Variants in ZBTB46 observed in about 807,000 individuals in gnomAD.
ZBTB46 encodes zinc finger and BTB domain-containing protein 46.
ZBTB46 carries 8 observed loss-of-function variants against 44.1 expected under a neutral mutation model. The observed-to-expected ratio is 0.18, with a 90% CI of 0.11 to 0.33. The LOEUF is 0.33. Ranked by LOEUF, ZBTB46 falls within the 10% of genes least tolerant of loss-of-function variation. The pLI is 1.00. For synonymous variants in ZBTB46, 409 were observed against 382.3 expected (o/e 1.07, Z -0.81); for missense variants, 651 against 847.7 (o/e 0.77, Z 2.88).
chr20:63,774,620 C>T (rs1461168964), intron 3 of ZBTB46, among the ~76,000 whole-genome samples: 1 of 152,032 alleles, frequency 6.6e-6, no homozygotes, highest in Non-Finnish European at 1.5e-5. Flanking sequence ...GTGCCAGCAC[C>T]AGGCCTTGCC....
intron 4 of ZBTB46, among the ~76,000 whole-genome samples, chr20:63,751,970 G>A (rs1025104101): frequency 1.3e-5 from 2 of 152,126 alleles, no homozygotes; most frequent in Admixed American, 6.5e-5. Flanking sequence ...CGCCCCGACA[G>A]CAGCCCCACC....
At chr20:63,775,527 G>T in intron 3 of ZBTB46, 151 bp downstream of exon 3, 1 of 1,043,048 alleles carries the variant, frequency 9.6e-7, no homozygotes, top group East Asian at 2.7e-5. Flanking sequence ...AGGCTGTGAC[G>T]CCGCATCCTC....
At chr20:63,812,127 T>C (rs764588270) in intron 1 of ZBTB46, among the ~76,000 whole-genome samples, 1 of 151,712 alleles carries the variant, frequency 6.6e-6, no homozygotes, top group Admixed American at 6.6e-5. Context: ...TTTTCCTACA[T>C]AAAAAAAAGA....
At chr20:63,756,457 G>A (rs2092221080) in intron 3 of ZBTB46, among the ~76,000 whole-genome samples, 1 of 152,212 alleles carries the variant, frequency 6.6e-6, no homozygotes, top group African/African-American at 2.4e-5. Flanking sequence ...ATCTCCGAAA[G>A]GGATCCAAAC....
intron 3 of ZBTB46, among the ~76,000 whole-genome samples, chr20:63,766,641 T>G (rs1043637585): frequency 6.6e-6 from 1 of 152,180 alleles, no homozygotes; most frequent in African/African-American, 2.4e-5. Context: ...CTGTGTGGAC[T>G]GCTCTCCCGA....
At chr20:63,756,980 T>C (rs1457280957) in intron 3 of ZBTB46, among the ~76,000 whole-genome samples, 2 of 152,262 alleles carry the variant, frequency 1.3e-5, no homozygotes, top group African/African-American at 4.8e-5. Context: ...ATTATTTCTG[T>C]TGGGCATGCC....
rs1339261409 is a variant in ZBTB46, at chr20:63,790,508, T to C, written c.250A>G (p.Lys84Glu). 1 of 1,612,906 alleles carries C rather than the reference T, an allele frequency of 6.2e-7. No homozygotes were observed. Among genetic ancestry groups the C allele is most frequent in the Non-Finnish European group, 8.5e-7 (1 of 1,179,462 alleles). The change falls in exon 2 of 5, where the codon AAG (lysine) becomes GAG (glutamate). Residue 84 changes from lysine (K) to glutamate (E), a missense_variant. Coordinates refer to ENST00000245663, the MANE Select transcript of ZBTB46 (RefSeq NM_001369741.1). ...HLDIVTAQGF[K>E]AIIDFMYSAH... ...GAGTACATGAAGTCGATGATGGCCTTGAAGCCCTGGGCCGTGACGATGTCC... is the reference window on the plus strand; with the variant it reads ...GAGTACATGAAGTCGATGATGGCCTCGAAGCCCTGGGCCGTGACGATGTCC...
intron 1 of ZBTB46, among the ~76,000 whole-genome samples, chr20:63,805,811 A>C (rs1474275173): frequency 6.6e-6 from 1 of 151,270 alleles, no homozygotes; most frequent in Non-Finnish European, 1.5e-5. Flanking sequence ...GCTGGAGGGC[A>C]GTGGCACGAT....
At chr20:63,764,264 G>A (rs760663084) in intron 3 of ZBTB46, among the ~76,000 whole-genome samples, 3 of 152,068 alleles carry the variant, frequency 2.0e-5, no homozygotes, top group African/African-American at 2.4e-5. Context: ...TGGTGAAACC[G>A]TCTCTACTAA....
chr20:63,768,559 A>G (rs1002261502), intron 3 of ZBTB46, among the ~76,000 whole-genome samples: 1 of 152,144 alleles, frequency 6.6e-6, no homozygotes, highest in African/African-American at 2.4e-5. Context: ...GTGAGCTAAG[A>G]TCGCACCACT....
At chr20:63,789,616 G>T (rs548858521) in intron 2 of ZBTB46, among the ~76,000 whole-genome samples, 106 of 152,366 alleles carry the variant, frequency 7.0e-4, no homozygotes, top group Non-Finnish European at 1.3e-3. Context: ...GATACACAGG[G>T]TCTCCAAGGG....
intron 1 of ZBTB46, among the ~76,000 whole-genome samples, chr20:63,798,908 T>C (rs1238630275): frequency 6.6e-6 from 1 of 151,836 alleles, no homozygotes; most frequent in Non-Finnish European, 1.5e-5. Context: ...AAGATACCCT[T>C]GGCTCTAGAA....
At chr20:63,775,504 G>A in intron 3 of ZBTB46, 174 bp downstream of exon 3, 1 of 809,380 alleles carries the variant, frequency 1.2e-6, no homozygotes, top group Admixed American at 3.4e-5. Context: ...CCGTGCACCT[G>A]AGAGGCCAGT....
chr20:63,830,050 G>C (rs892669863), intron 1 of ZBTB46, among the ~76,000 whole-genome samples: 7 of 152,306 alleles, frequency 4.6e-5, no homozygotes, highest in African/African-American at 1.4e-4. Context: ...ATTGCAGCAC[G>C]GAAAGCGAGA....
chr20:63,773,395 C>T (rs896756380), intron 3 of ZBTB46, among the ~76,000 whole-genome samples: 1 of 152,098 alleles, frequency 6.6e-6, no homozygotes, highest in African/African-American at 2.4e-5. Context: ...TCATGCTGGG[C>T]TAACTTCTTG....
At chr20:63,792,709 G>A (rs2092571207) in intron 1 of ZBTB46, among the ~76,000 whole-genome samples, 1 of 151,970 alleles carries the variant, frequency 6.6e-6, no homozygotes, top group African/African-American at 2.4e-5. Flanking sequence ...GGAGAGATGG[G>A]GTTTCACCAT....
At chr20:63,807,137 T>C (rs2092686693) in intron 1 of ZBTB46, among the ~76,000 whole-genome samples, 1 of 152,160 alleles carries the variant, frequency 6.6e-6, no homozygotes, top group South Asian at 2.1e-4. Context: ...AAGTGATATA[T>C]ACAATCATAT....
intron 1 of ZBTB46, among the ~76,000 whole-genome samples, chr20:63,813,015 T>C (rs1326012788): frequency 1.3e-5 from 2 of 152,090 alleles, no homozygotes; most frequent in South Asian, 2.1e-4. Context: ...GCAGAATTGC[T>C]TGAACACGGA....
At chr20:63,781,767 G>T (rs1457430636) in intron 2 of ZBTB46, among the ~76,000 whole-genome samples, 1 of 149,792 alleles carries the variant, frequency 6.7e-6, no homozygotes, top group Admixed American at 6.8e-5. Flanking sequence ...ACTCCAGCCT[G>T]GACAACAGAG....
Sources: gnomAD v4.1 joint callset for allele counts (sites outside exome capture counted in the v4.1 genomes callset) on GRCh38, gnomAD v4.1.1 for gene constraint, MANE v1.5 for transcripts, NCBI Gene and HGNC (gene_info 2026-07-23, HGNC 2026-07-21) for gene names.